The following ACSS3 variants were observed in gnomAD, a reference collection of about 807,000 sequenced individuals.
The protein encoded by ACSS3 is acyl-CoA synthetase short chain family member 3.
Under a neutral mutation model 84.2 loss-of-function variants are expected in ACSS3, and 64 were observed. That is an observed-to-expected ratio of 0.76 (90% CI 0.62 to 0.94). The LOEUF (loss-of-function observed/expected upper bound fraction) is 0.94, where lower values mean the gene tolerates loss of function less well. Ranked by LOEUF, ACSS3 falls within the 40% of genes least tolerant of loss-of-function variation. ACSS3 has a pLI of 0.00. For synonymous variants in ACSS3, 317 were observed against 310.1 expected (o/e 1.02, Z -0.23); for missense variants, 815 against 867.6 (o/e 0.94, Z 0.76).
In ACSS3 at chr12:81,233,273, G is replaced by T. The variant is rs915516197; in HGVS notation, c.1597-76G>T. ...AGTAAATCCATTTCTATTACATTGTGTGTTTTACCAAGTTTAAAATGATTA... is the reference window on the plus strand; with the variant it reads ...AGTAAATCCATTTCTATTACATTGTTTGTTTTACCAAGTTTAAAATGATTA... On this transcript the variant is annotated intron_variant, in intron 12 of 15. Coordinates refer to ENST00000548058, the MANE Select transcript of ACSS3 (RefSeq NM_024560.4). 5 of 1,492,892 alleles carry T rather than the reference G, an allele frequency of 3.3e-6. No individual in the cohort carries two copies. In the African/African-American group the frequency reaches 7.0e-5, roughly 21 times the overall value. The allele number at this position is 1,492,892 out of a possible 1,614,324, so 92.5% of individuals were successfully genotyped here. A position where few individuals can be genotyped will look rare whatever the true frequency, so the allele number is the denominator to read the frequency against.
At chr12:81,148,642 A>T (rs1369327696) in intron 5 of ACSS3, among the ~76,000 whole-genome samples, 2 of 152,278 alleles carry the variant, frequency 1.3e-5, no homozygotes, top group Non-Finnish European at 2.9e-5. Context: ...CAAGTTCCGC[A>T]GACATCTTTA....
At chr12:81,090,944 C>G (rs1365603509) in intron 1 of ACSS3, among the ~76,000 whole-genome samples, 1 of 151,942 alleles carries the variant, frequency 6.6e-6, no homozygotes, top group African/African-American at 2.4e-5. Context: ...TGCACATGCT[C>G]CCATATACTT....
intron 11 of ACSS3, among the ~76,000 whole-genome samples, chr12:81,223,729 A>G (rs541768886): frequency 6.6e-6 from 1 of 152,044 alleles, no homozygotes; most frequent in Admixed American, 6.6e-5. Flanking sequence ...GAAAATCTCG[A>G]GAAAATCCTA....
intron 9 of ACSS3, among the ~76,000 whole-genome samples, chr12:81,216,162 TG>T (rs2032905580): frequency 6.6e-6 from 1 of 151,362 alleles, no homozygotes. Context: ...TTTATTAAAA[TG>T]TTTTTTTCTG....
rs1004261230 is a variant in ACSS3 at position 81,259,292 on chromosome 12, T to TA, written c.*4376dup. 2.7e-5 allele frequency: 10 copies of TA among 372,312 alleles called. No homozygotes were observed. The highest frequency in any genetic ancestry group is 4.6e-5 in the Non-Finnish European group (9 of 197,742). 23.1% of individuals were successfully genotyped at this position (372,312 alleles called of 1,614,324 possible). On this transcript the variant is annotated 3_prime_UTR_variant, in exon 16 of 16. Coordinates refer to ENST00000548058, the MANE Select transcript of ACSS3 (RefSeq NM_024560.4). Reference sequence around the variant, plus strand: ...TCCATGAACCATATATTTTATTTTTTAAAAAATCATATTTATATCCATTTA... The same window carrying TA: ...TCCATGAACCATATATTTTATTTTTTAAAAAAATCATATTTATATCCATTTA...
chr12:81,221,895 A>G (rs186230390), intron 11 of ACSS3, among the ~76,000 whole-genome samples: 9 of 152,200 alleles, frequency 5.9e-5, no homozygotes, highest in South Asian at 2.1e-4. Flanking sequence ...TGAGTCATCT[A>G]TTTCATAAAA....
intron 13 of ACSS3, among the ~76,000 whole-genome samples, chr12:81,240,836 T>C (rs2033775661): frequency 6.6e-6 from 1 of 151,894 alleles, no homozygotes; most frequent in Non-Finnish European, 1.5e-5. Flanking sequence ...TAGCAAAATA[T>C]TTCTTTTTTT....
intron 1 of ACSS3, among the ~76,000 whole-genome samples, chr12:81,108,444 A>AT (rs1411531829): frequency 1.3e-5 from 2 of 151,624 alleles, no homozygotes; most frequent in African/African-American, 2.4e-5. Context: ...TGCCTGGTTA[A>AT]TTTTTTGTAT....
chr12:81,138,162 C>T (rs1274669810), intron 3 of ACSS3, among the ~76,000 whole-genome samples: 5 of 151,958 alleles, frequency 3.3e-5, no homozygotes, highest in East Asian at 1.9e-4. Flanking sequence ...ATCTGCCTTC[C>T]GAATAATTTA....
At chr12:81,100,270 G>A (rs11114763) in intron 1 of ACSS3, among the ~76,000 whole-genome samples, 58,409 of 143,116 alleles carry the variant, frequency 0.41, 13,429 homozygotes, top group Non-Finnish European at 0.53. Flanking sequence ...TGCCCAGGCT[G>A]GAGTGCAGTG....
chr12:81,143,052 T>A lies in ACSS3; in HGVS notation c.781-55T>A, dbSNP rs1036466300. ...TTAAATAGATTTAGCTACTTTTTGT[T>A]CTCTTGATTTAATCTCCTTATTACA... is the stretch of plus-strand genomic sequence containing the variant. On this transcript the variant is annotated intron_variant, in intron 4 of 15. Coordinates refer to ENST00000548058, the MANE Select transcript of ACSS3 (RefSeq NM_024560.4). The A allele has an allele frequency of 3.1e-5, 44 of 1,436,002 alleles. No individual in the cohort carries two copies. In the African/African-American group the frequency reaches 4.7e-4, roughly 15 times the overall value. The allele number at this position is 1,436,002 out of a possible 1,614,324, so 89.0% of individuals were successfully genotyped here.
At chr12:81,194,141 T>C (rs1024864721) in intron 8 of ACSS3, among the ~76,000 whole-genome samples, 11 of 151,750 alleles carry the variant, frequency 7.2e-5, no homozygotes, top group African/African-American at 2.4e-4. Flanking sequence ...AAGATAACTA[T>C]AAAATATAGA....
chr12:81,254,453 A>G (rs1307094234), intron 15 of ACSS3, among the ~76,000 whole-genome samples: 1 of 152,230 alleles, frequency 6.6e-6, no homozygotes, highest in African/African-American at 2.4e-5. Flanking sequence ...TGATTCAATC[A>G]TATGTTTTAA....
intron 9 of ACSS3, among the ~76,000 whole-genome samples, chr12:81,212,319 CAAAA>C (rs146235610): frequency 6.6e-6 from 1 of 152,156 alleles, no homozygotes; most frequent in East Asian, 1.9e-4. Flanking sequence ...AATAGCTGCT[CAAAA>C]ACTATTTGCT....
At chr12:81,173,962 A>T (rs925250114) in intron 7 of ACSS3, among the ~76,000 whole-genome samples, 1 of 152,148 alleles carries the variant, frequency 6.6e-6, no homozygotes, top group Non-Finnish European at 1.5e-5. Context: ...TATATATCCA[A>T]GACATTTATT....
chr12:81,230,357 G>C (rs578032594), intron 11 of ACSS3, among the ~76,000 whole-genome samples: 1 of 151,972 alleles, frequency 6.6e-6, no homozygotes, highest in African/African-American at 2.4e-5. Flanking sequence ...CAAGGAGATA[G>C]ATAGAGGTTA....
At position 81,259,231 on chromosome 12, in the gene ACSS3, C is replaced by A; in HGVS notation, c.*4309C>A. The A allele has an allele frequency of 4.1e-6, 1 of 244,992 alleles. No individual in the cohort carries two copies. Among genetic ancestry groups the A allele is most frequent in the South Asian group, 4.5e-5 (1 of 22,112 alleles). 15.2% of individuals were successfully genotyped at this position (244,992 alleles called of 1,614,324 possible). ...AAATGGTGGAATGGTAAAATACAAACAGTACTTGGAATTGTCAAATGTTTG... is the reference window on the plus strand; with the variant it reads ...AAATGGTGGAATGGTAAAATACAAAAAGTACTTGGAATTGTCAAATGTTTG... On this transcript the variant is annotated 3_prime_UTR_variant, in exon 16 of 16. Transcript: ENST00000548058.
intron 9 of ACSS3, among the ~76,000 whole-genome samples, chr12:81,207,116 TCTC>T (rs2032380868): frequency 6.6e-6 from 1 of 152,122 alleles, no homozygotes; most frequent in Non-Finnish European, 1.5e-5. Context: ...CTGTTCTAAT[TCTC>T]CTCCTACTCT....
At chr12:81,234,308 C>T (rs897721792) in intron 13 of ACSS3, among the ~76,000 whole-genome samples, 1 of 151,240 alleles carries the variant, frequency 6.6e-6, no homozygotes, top group African/African-American at 2.4e-5. Flanking sequence ...CATTAAAGGA[C>T]ATATGGGTTA....
Sources: gnomAD v4.1 joint callset for allele counts (sites outside exome capture counted in the v4.1 genomes callset) on GRCh38, gnomAD v4.1.1 for gene constraint, MANE v1.5 for transcripts, NCBI Gene and HGNC (gene_info 2026-07-23, HGNC 2026-07-21) for gene names.